METTL9: variants seen among roughly 807,000 people sequenced by gnomAD.
METTL9 encodes the protein protein-L-histidine N-pros-methyltransferase.
Under a neutral mutation model 36.0 loss-of-function variants are expected in METTL9, and 10 were observed. The observed-to-expected ratio is 0.28, with a 90% CI of 0.17 to 0.47. METTL9 has a LOEUF of 0.47. Among genes scored for constraint, METTL9 ranks in the 20% least tolerant of loss-of-function variants. METTL9 has a pLI of 0.99. For synonymous variants in METTL9, 175 were observed against 149.7 expected (o/e 1.17, Z -1.23); for missense variants, 246 against 383.5 (o/e 0.64, Z 3.00).
At chr16:21,643,692 A>G (rs113364480) in intron 4 of METTL9, 1 of 781,020 alleles carries the variant, frequency 1.3e-6, no homozygotes, top group Non-Finnish European at 2.1e-6. Flanking sequence ...AAACTAACTT[A>G]ATATTTAAGT....
chr16:21,615,251 CAG>C (rs1965525029), intron 2 of METTL9, among the ~76,000 whole-genome samples: 1 of 152,018 alleles, frequency 6.6e-6, no homozygotes, highest in Non-Finnish European at 1.5e-5. Context: ...TTTTTGGAGA[CAG>C]GGTCTCGCTC....
chr16:21,654,031 GTTTTGTTT>G (rs1966645726), intron 4 of METTL9: 1 of 121,664 alleles, frequency 8.2e-6, no homozygotes, highest in African/African-American at 3.2e-5. Context: ...TTCTCAGTCT[GTTTTGTTT>G]TTTTTTTTTT....
intron 1 of METTL9, 138 bp downstream of exon 1, chr16:21,600,036 C>T (rs924120790): frequency 2.0e-5 from 16 of 790,324 alleles, no homozygotes; most frequent in Non-Finnish European, 2.3e-5. Flanking sequence ...GGAAAGTTTT[C>T]CCCGCGCCTT....
At chr16:21,600,438 C>T (rs1325404626) in intron 1 of METTL9, among the ~76,000 whole-genome samples, 1 of 152,218 alleles carries the variant, frequency 6.6e-6, no homozygotes, top group African/African-American at 2.4e-5. Context: ...TGACATTTCT[C>T]CCTAAGCACT....
chr16:21,634,970 G>C (rs1368965259), intron 4 of METTL9, among the ~76,000 whole-genome samples: 1 of 152,178 alleles, frequency 6.6e-6, no homozygotes, highest in Non-Finnish European at 1.5e-5. Context: ...CTGTACTGGG[G>C]ACGGCTGGCT....
intron 1 of METTL9, among the ~76,000 whole-genome samples, chr16:21,605,071 CT>C (rs757284346): frequency 3.9e-5 from 6 of 151,952 alleles, no homozygotes; most frequent in Non-Finnish European, 8.8e-5. Flanking sequence ...ATCATCCGCA[CT>C]TTACATACAG....
chr16:21,629,015 T>A (rs1366356943), intron 4 of METTL9, among the ~76,000 whole-genome samples: 2 of 151,860 alleles, frequency 1.3e-5, no homozygotes, highest in Admixed American at 1.3e-4. Context: ...TGACTCAGCC[T>A]GCTGAGTAGC....
intron 1 of METTL9, among the ~76,000 whole-genome samples, chr16:21,610,144 ACATTGTCCCAGCTCCC>A (rs759505059): frequency 5.9e-5 from 9 of 152,200 alleles, no homozygotes; most frequent in Admixed American, 1.3e-4. Context: ...CAGCCACTCC[ACATTGTCCCAGCTCCC>A]CAGCCCCTGG....
chr16:21,621,878 T>A (rs1965704531), intron 3 of METTL9, among the ~76,000 whole-genome samples: 1 of 152,142 alleles, frequency 6.6e-6, no homozygotes, highest in African/African-American at 2.4e-5. Flanking sequence ...GGCATCTTTT[T>A]TTTTGGGAGA....
intron 4 of METTL9, chr16:21,647,446 T>A (rs774800987): frequency 1.2e-6 from 2 of 1,614,016 alleles, no homozygotes; most frequent in Non-Finnish European, 1.7e-6. Flanking sequence ...AGTCCACTTC[T>A]AGGTACCACG....
intron 1 of METTL9, among the ~76,000 whole-genome samples, chr16:21,606,818 T>C (rs891364668): frequency 6.6e-6 from 1 of 152,228 alleles, no homozygotes; most frequent in Non-Finnish European, 1.5e-5. Flanking sequence ...CTAAAATCAG[T>C]CAGTTTTTAA....
intron 4 of METTL9, chr16:21,651,759 A>AT (rs1202205417): frequency 1.3e-5 from 2 of 152,122 alleles, no homozygotes. Context: ...AATCCCAGCC[A>AT]TTTTATCTGC....
chr16:21,630,448 C>T (rs1022264249), intron 4 of METTL9, among the ~76,000 whole-genome samples: 7 of 152,222 alleles, frequency 4.6e-5, no homozygotes, highest in Non-Finnish European at 8.8e-5. Flanking sequence ...CCAGAGCCGA[C>T]GCCGTGGCCG....
At chr16:21,620,814 A>C (rs1350469093) in intron 3 of METTL9, among the ~76,000 whole-genome samples, 2 of 152,134 alleles carry the variant, frequency 1.3e-5, no homozygotes, top group Non-Finnish European at 2.9e-5. Flanking sequence ...TTAATGAGGA[A>C]GTAGTATCTT....
At chr16:21,654,543 T>A (rs7204005) in intron 4 of METTL9, 27,079 of 152,348 alleles carry the variant, frequency 0.18, 3,017 homozygotes, top group Middle Eastern at 0.28. Context: ...TGGAAATGAC[T>A]GATAGAGGCT....
intron 4 of METTL9, chr16:21,639,825 C>T (rs750437091): frequency 2.0e-5 from 3 of 152,096 alleles, no homozygotes. Flanking sequence ...TTTAAACCAT[C>T]AATGCAAAAA....
intron 4 of METTL9, chr16:21,643,517 T>TA (rs1395696795): frequency 7.1e-7 from 1 of 1,408,820 alleles, no homozygotes; most frequent in Non-Finnish European, 9.9e-7. Context: ...AGCCACAATT[T>TA]AAAAAATATT....
intron 2 of METTL9, among the ~76,000 whole-genome samples, chr16:21,613,919 C>T (rs1965494734): frequency 6.7e-6 from 1 of 149,384 alleles, no homozygotes; most frequent in South Asian, 2.1e-4. Context: ...AGAAAAGCAA[C>T]AGGCTCAATG....
intron 2 of METTL9, among the ~76,000 whole-genome samples, chr16:21,616,195 A>G (rs1481443549): frequency 6.6e-6 from 1 of 152,202 alleles, no homozygotes; most frequent in African/African-American, 2.4e-5. Context: ...AGTACAGAAC[A>G]GGTTTCCCTG....
Sources: gnomAD v4.1 joint callset for allele counts (sites outside exome capture counted in the v4.1 genomes callset) on GRCh38, gnomAD v4.1.1 for gene constraint, MANE v1.5 for transcripts, NCBI Gene and HGNC (gene_info 2026-07-23, HGNC 2026-07-21) for gene names.